CUX1: variants seen among roughly 807,000 people sequenced by gnomAD.
CUX1 encodes cut like homeobox 1, also known as protein CASP.
Under a neutral mutation model 158.8 loss-of-function variants are expected in CUX1, and 31 were observed. The ratio of observed to expected loss-of-function variants is 0.20; its 90% CI spans 0.15 to 0.26. The LOEUF (loss-of-function observed/expected upper bound fraction) is 0.26. Among genes scored for constraint, CUX1 ranks in the 10% least tolerant of loss-of-function variants. CUX1 has a pLI of 1.00. For missense variants in CUX1, 1,589 were observed against 2,014.6 expected (o/e 0.79, Z 4.04); for synonymous variants, 879 against 862.1 (o/e 1.02, Z -0.34).
rs529815466 is a variant in CUX1, at chr7:102,251,522, G to C, written c.*2480G>C. The stretch of plus-strand genomic sequence containing the variant: ...TAGGGGGCTGGGAGGCAGGCTGTTC[G>C]TTTGTCTTTTGTTGGGGGTATCATT... On this transcript the variant is annotated 3_prime_UTR_variant, in exon 24 of 24. Coordinates refer to ENST00000292535, the MANE Select transcript of CUX1 (RefSeq NM_181552.4). The C allele has an allele frequency of 1.0e-6, 1 of 985,266 alleles. No individual in the cohort carries two copies. Among genetic ancestry groups the C allele is most frequent in the African/African-American group, 1.7e-5 (1 of 57,214 alleles). 61.0% of individuals were successfully genotyped at this position (985,266 alleles called of 1,614,324 possible). A position where few individuals can be genotyped will look rare whatever the true frequency, so the allele number is the denominator to read the frequency against.
In CUX1 at chr7:102,250,168, A is replaced by C; in HGVS notation, c.*1126A>C. 1 of 985,390 alleles carries C rather than the reference A, an allele frequency of 1.0e-6. No individual in the cohort carries two copies. Among genetic ancestry groups the C allele is most frequent in the Non-Finnish European group, 1.2e-6 (1 of 829,934 alleles). The allele number at this position is 985,390 out of a possible 1,614,324, so 61.0% of individuals were successfully genotyped here. ...ACCTCATATCTTGGAGGTTTAGGAG[A>C]CAAGTTAGAACTGTAGCATGTACCT... On this transcript the variant is annotated 3_prime_UTR_variant, in exon 24 of 24. Coordinates refer to ENST00000292535, the MANE Select transcript of CUX1 (RefSeq NM_181552.4).
At chr7:101,977,267 C>T (rs767258619) in intron 2 of CUX1, among the ~76,000 whole-genome samples, 1 of 152,126 alleles carries the variant, frequency 6.6e-6, no homozygotes, top group African/African-American at 2.4e-5. Context: ...GATGTATCAA[C>T]CCACAAGGAA....
chr7:102,144,202 A>T (rs1761077705), intron 8 of CUX1, among the ~76,000 whole-genome samples: 1 of 152,208 alleles, frequency 6.6e-6, no homozygotes, highest in Admixed American at 6.5e-5. Context: ...GTTTCATTGC[A>T]AATGGAATAG....
Position 102,248,396 on chromosome 7 carries a change from G to T in CUX1, c.3888-16G>T. 6.3e-7 allele frequency: 1 copy of T among 1,579,430 alleles called. No individual in the cohort carries two copies. ...GCAGCACCCCCCTCACGTCCCCGCCGCTTGTTGTCTTGTAGGTCTCGGATC... is the reference window on the plus strand; with the variant it reads ...GCAGCACCCCCCTCACGTCCCCGCCTCTTGTTGTCTTGTAGGTCTCGGATC... On this transcript the variant is annotated splice_polypyrimidine_tract_variant and intron_variant, in intron 23 of 23. Coordinates refer to ENST00000292535, the MANE Select transcript of CUX1 (RefSeq NM_181552.4). The surrounding 1 kb of genome is among the most constrained non-coding windows in gnomAD (Gnocchi z 5.8).
chr7:102,247,589 C>A (rs551813988), intron 23 of CUX1, among the ~76,000 whole-genome samples: 3 of 152,132 alleles, frequency 2.0e-5, no homozygotes, highest in Non-Finnish European at 4.4e-5. Flanking sequence ...TTGGGGAGGC[C>A]CAGGCAGGAA....
In CUX1 at chr7:102,255,195, C is replaced by T; in HGVS notation, c.*6153C>T. 1 of 985,492 alleles carries T rather than the reference C, an allele frequency of 1.0e-6. No homozygotes were observed. Among genetic ancestry groups the T allele is most frequent in the Non-Finnish European group, 1.2e-6 (1 of 829,972 alleles). The allele number at this position is 985,492 out of a possible 1,614,324, so 61.0% of individuals were successfully genotyped here. The stretch of plus-strand genomic sequence containing the variant: ...TGTCTGCCCGACTTCCAAAAACTGC[C>T]TCCTCCTGCCCAGGCCTCTCCCACC... On this transcript the variant is annotated 3_prime_UTR_variant, in exon 24 of 24. Coordinates refer to ENST00000292535, the MANE Select transcript of CUX1 (RefSeq NM_181552.4).
intron 3 of CUX1, among the ~76,000 whole-genome samples, chr7:102,040,944 C>G (rs1177220848): frequency 6.6e-6 from 1 of 152,124 alleles, no homozygotes; most frequent in East Asian, 1.9e-4. Context: ...GGTTGACTAT[C>G]GCTAGCAGAA....
In CUX1 at chr7:101,817,850, C is replaced by T. The variant is rs1792048418; in HGVS notation, c.30+181C>T. ...AGCTACTCCCAACTGCTAAGGTGTG[C>T]GTGAAGATAAACTTGGCTGAACTTT... On this transcript the variant is annotated intron_variant, in intron 1 of 23. Coordinates refer to ENST00000292535, the MANE Select transcript of CUX1 (RefSeq NM_181552.4). The surrounding 1 kb of genome is among the most constrained non-coding windows in gnomAD (Gnocchi z 4.1). Among the ~76,000 whole-genome samples, 1 of 152,142 alleles carries T rather than the reference C, an allele frequency of 6.6e-6. No homozygotes were observed. The highest frequency in any genetic ancestry group is 1.5e-5 in the Non-Finnish European group (1 of 68,020).
intron 14 of CUX1, among the ~76,000 whole-genome samples, chr7:102,266,542 C>A (rs1314351065): frequency 6.6e-6 from 1 of 151,950 alleles, no homozygotes; most frequent in Non-Finnish European, 1.5e-5. Context: ...GGGGAGGCAT[C>A]GGCTTGTCAA....
At position 101,869,547 on chromosome 7, in the gene CUX1, G is replaced by A. The variant is rs138735041; in HGVS notation, c.31-46568G>A. Among the ~76,000 whole-genome samples the A allele has an allele frequency of 3.5e-3, 539 of 152,242 alleles. No homozygotes were observed. The highest frequency in any genetic ancestry group is 6.8e-3 in the Middle Eastern group (2 of 294). ...GGGGTGAGCACAGCATTTGCGGGGC[G>A]CGGGAAGGGAGTGGCTGGTGGGGCG... On this transcript the variant is annotated intron_variant, in intron 1 of 23. Coordinates refer to ENST00000292535, the MANE Select transcript of CUX1 (RefSeq NM_181552.4). The surrounding 1 kb of genome is among the most constrained non-coding windows in gnomAD (Gnocchi z 4.5).
chr7:102,050,395 C>T (rs1823349055), intron 3 of CUX1, among the ~76,000 whole-genome samples: 1 of 152,102 alleles, frequency 6.6e-6, no homozygotes, highest in African/African-American at 2.4e-5. Context: ...AGGATTTAAC[C>T]TTCTGGGGCT....
chr7:101,955,952 G>C (rs1209404639), intron 2 of CUX1, among the ~76,000 whole-genome samples: 1 of 151,720 alleles, frequency 6.6e-6, no homozygotes, highest in East Asian at 1.9e-4. Flanking sequence ...GGGAGGCCAA[G>C]GTGGGCGGAT....
intron 1 of CUX1, among the ~76,000 whole-genome samples, chr7:101,821,855 T>TG (rs1792655029): frequency 1.4e-5 from 2 of 138,954 alleles, no homozygotes; most frequent in Admixed American, 7.0e-5. Context: ...TTTTGTTTTT[T>TG]TGTTTTTTTT....
chr7:102,111,566 T>TGCGG, intron 6 of CUX1, 132 bp from the exon 7 acceptor site: 1 of 747,116 alleles, frequency 1.3e-6, no homozygotes, highest in Non-Finnish European at 2.3e-6. Context: ...CACGTGTCGT[T>TGCGG]GCGGGCGATA....
intron 1 of CUX1, among the ~76,000 whole-genome samples, chr7:101,856,709 G>GT (rs1466685812): frequency 2.0e-5 from 3 of 152,174 alleles, no homozygotes; most frequent in African/African-American, 4.8e-5. Flanking sequence ...GCTGAACGCT[G>GT]TTTTTTTCTA....
chr7:102,280,975 T>G, intron 20 of CUX1: 1 of 907,300 alleles, frequency 1.1e-6, no homozygotes, highest in Non-Finnish European at 1.7e-6. Flanking sequence ...CTGCCAAGAG[T>G]GGCTGTGTGA....
intron 8 of CUX1, among the ~76,000 whole-genome samples, chr7:102,134,944 G>A (rs1833731986): frequency 6.6e-6 from 1 of 152,002 alleles, no homozygotes; most frequent in Non-Finnish European, 1.5e-5. Flanking sequence ...GTAAAAATGG[G>A]TACAGTGGAA....
At chr7:101,901,608 T>A (rs929178865) in intron 1 of CUX1, among the ~76,000 whole-genome samples, 3 of 152,192 alleles carry the variant, frequency 2.0e-5, no homozygotes, top group Non-Finnish European at 2.9e-5. Flanking sequence ...AAATCTATTT[T>A]AATTCTGCAA....
chr7:102,051,156 A>G (rs1359084022), intron 3 of CUX1, among the ~76,000 whole-genome samples: 1 of 152,140 alleles, frequency 6.6e-6, no homozygotes, highest in Non-Finnish European at 1.5e-5. Context: ...AAGGCACGGC[A>G]GGTCCCTGCC....
Sources: gnomAD v4.1 joint callset for allele counts (sites outside exome capture counted in the v4.1 genomes callset) on GRCh38, gnomAD v4.1.1 for gene constraint, Gnocchi (gnomAD v3.1) non-coding constraint, MANE v1.5 for transcripts, NCBI Gene and HGNC (gene_info 2026-07-23, HGNC 2026-07-21) for gene names.